The following FTSJ3 variants were observed in gnomAD, a reference collection of about 807,000 sequenced individuals.
The protein encoded by FTSJ3 is FtsJ RNA 2'-O-methyltransferase 3, also known as pre-rRNA 2'-O-ribose RNA methyltransferase FTSJ3.
In FTSJ3, 46 loss-of-function variants were observed where a neutral mutation model predicts 111.5. The ratio of observed to expected loss-of-function variants is 0.41; its 90% CI spans 0.33 to 0.53. FTSJ3 has a LOEUF of 0.53. FTSJ3 is among the 20% of genes least tolerant of loss of function. FTSJ3 has a pLI of 0.19. For synonymous variants in FTSJ3, 408 were observed against 383.0 expected (o/e 1.07, Z -0.76); for missense variants, 1,075 against 1,063.8 (o/e 1.01, Z -0.15).
rs765798714 is a variant in FTSJ3 at position 63,823,809 on chromosome 17, C to T, written c.1290+8G>A. On this transcript the variant is annotated splice_region_variant and intron_variant, in intron 13 of 20. Coordinates refer to ENST00000427159, the MANE Select transcript of FTSJ3 (RefSeq NM_017647.4). ...TCTCCTAAACCTGCACCCCCAATGC[C>T]GCCTCACCTGGTGACCCCGGATGGT... is the stretch of plus-strand genomic sequence containing the variant. 21 of 1,613,294 alleles carry T rather than the reference C, an allele frequency of 1.3e-5. No individual in the cohort carries two copies. The Middle Eastern group carries it at 4.9e-4, about 38-fold the overall frequency.
Position 63,820,120 on chromosome 17 carries a change from T to G in FTSJ3, c.2310A>C (p.Thr770=). The change falls in exon 20 of 21, where the codon ACA becomes ACC. Residue 770 remains threonine, a synonymous_variant. Transcript: ENST00000427159. ...TRKKAEAVVN[T]VDISEREKVA... ...CTTTCTCTCGTTCTGAGATGTCCAC[T>G]GTGTTCACCACGGCTTCTGCCTTCT... 1.2e-6 allele frequency: 2 copies of G among 1,614,188 alleles called. No individual in the cohort carries two copies. The highest frequency in any genetic ancestry group is 8.5e-7 in the Non-Finnish European group (1 of 1,180,040).
At position 63,827,618 on chromosome 17, in the gene FTSJ3, A is replaced by G; in HGVS notation, c.-593T>C. 1 of 1,547,288 alleles carries G rather than the reference A, an allele frequency of 6.5e-7. No homozygotes were observed. Among genetic ancestry groups the G allele is most frequent in the Non-Finnish European group, 8.7e-7 (1 of 1,145,358 alleles). Reference sequence around the variant, plus strand: ...GGGGCAGGAGCGTCGGGTGGGTCGGAGGTGCCTGGACCAGTCCATGCTGGA... The same window carrying G: ...GGGGCAGGAGCGTCGGGTGGGTCGGGGGTGCCTGGACCAGTCCATGCTGGA... On this transcript the variant is annotated 5_prime_UTR_variant, in exon 1 of 21. Coordinates refer to ENST00000427159, the MANE Select transcript of FTSJ3 (RefSeq NM_017647.4).
Position 63,819,697 on chromosome 17 carries a change from T to C in FTSJ3, c.*105A>G. ...TCCACCTCACTGTTCTTCAGACAGC[T>C]GTGATGTGAGCAGGGGCTAGGCCGG... On this transcript the variant is annotated 3_prime_UTR_variant, in exon 21 of 21. Transcript: ENST00000427159. The C allele has an allele frequency of 1.9e-6, 2 of 1,053,232 alleles. No homozygotes were observed. Among genetic ancestry groups the C allele is most frequent in the African/African-American group, 1.6e-5 (1 of 63,078 alleles). The allele number at this position is 1,053,232 out of a possible 1,614,324, so 65.2% of individuals were successfully genotyped here.
At chr17:63,821,892 A>C in intron 14 of FTSJ3, 49 bp from the exon 15 acceptor site, 1 of 1,613,888 alleles carries the variant, frequency 6.2e-7, no homozygotes, top group Non-Finnish European at 8.5e-7. Context: ...GATTGCCTGG[A>C]GCCCTTGCTG....
chr17:63,826,455 C>A, intron 3 of FTSJ3, 112 bp downstream of exon 3: 1 of 1,175,444 alleles, frequency 8.5e-7, no homozygotes, highest in Non-Finnish European at 1.3e-6. Flanking sequence ...AAGGAAACGG[C>A]CCCCAAGAGG....
rs759682797 is a variant in FTSJ3 at position 63,824,081 on chromosome 17, C to T, written c.1154+3G>A. 6.2e-7 allele frequency: 1 copy of T among 1,614,192 alleles called. No individual in the cohort carries two copies. The highest frequency in any genetic ancestry group is 8.5e-7 in the Non-Finnish European group (1 of 1,180,042). ...CTCCAAGCTCTACCCCAGCTCCTTT[C>T]ACCTCTTCAATTCCGCCACCTCCTG... On this transcript the variant is annotated splice_donor_region_variant and intron_variant, in intron 12 of 20. Transcript: ENST00000427159.
Position 63,821,640 on chromosome 17 carries a change from T to C in FTSJ3, c.1600A>G (p.Ser534Gly), listed in dbSNP as rs772590864. The C allele has an allele frequency of 2.3e-5, 37 of 1,613,350 alleles. 1 individual carries two copies. In the South Asian group the frequency reaches 4.1e-4, roughly 18 times the overall value. The change falls in exon 16 of 21, where the codon AGC (serine) becomes GGC (glycine). Residue 534 changes from serine to glycine, a missense_variant. By Grantham distance (56) the Ser-to-Gly change is moderately conservative. Transcript: ENST00000427159. ...GCATCGTCCTCGATCCCAGCAAAGC[T>C]GCCCTGTGATAGGAGAACATCAGCT... Reference protein sequence around the residue: ...EQANLWFSKGSFAGIEDDADE... With the variant: ...EQANLWFSKGGFAGIEDDADE...
In FTSJ3 at chr17:63,821,313, C is replaced by T. The variant is rs377309025; in HGVS notation, c.1886+41G>A. ...CAATTTAGAGAAATGGTTCAAGCCA[C>T]CGCTTCCTTTCCATCCCTTCTCTCA... On this transcript the variant is annotated intron_variant, in intron 16 of 20. Coordinates refer to ENST00000427159, the MANE Select transcript of FTSJ3 (RefSeq NM_017647.4). 75 of 1,574,170 alleles carry T rather than the reference C, an allele frequency of 4.8e-5. No homozygotes were observed. In the African/African-American group the frequency reaches 9.1e-4, roughly 19 times the overall value.
At position 63,820,336 on chromosome 17, in the gene FTSJ3, C is replaced by G; in HGVS notation, c.2175G>C (p.Glu725Asp). 2 of 1,614,006 alleles carry G rather than the reference C, an allele frequency of 1.2e-6. No individual in the cohort carries two copies. Among genetic ancestry groups the G allele is most frequent in the Non-Finnish European group, 1.7e-6 (2 of 1,180,020 alleles). The change falls in exon 19 of 21, where the codon GAG becomes GAC. Residue 725 changes from glutamate (E) to aspartate (D), a missense_variant. Glu to Asp is a conservative substitution (Grantham distance 45). This residue lies in a region of FTSJ3 where 867 missense variants were observed against 796.9 expected (regional missense o/e 1.09). Transcript: ENST00000427159. Reference sequence around the variant, plus strand: ...TTTCCCGCCAGCGTTTCCGGTAATGCTCCACCTCCTTCTTACCAACAGGCA... The same window carrying G: ...TTTCCCGCCAGCGTTTCCGGTAATGGTCCACCTCCTTCTTACCAACAGGCA... ...RQLPVGKKEV[E>D]HYRKRWREIN...
intron 18 of FTSJ3, 46 bp downstream of exon 18, chr17:63,820,793 C>T: frequency 7.1e-7 from 1 of 1,405,886 alleles, no homozygotes; most frequent in Non-Finnish European, 1.0e-6. Flanking sequence ...TACCCATTTA[C>T]CCACCAGACC....
chr17:63,821,919 G>A (rs2040055625), intron 14 of FTSJ3, 65 bp downstream of exon 14: 1 of 1,612,958 alleles, frequency 6.2e-7, no homozygotes, highest in Non-Finnish European at 8.5e-7. Flanking sequence ...TCAGGCTCTG[G>A]TAGTACCCAC....
In FTSJ3 at chr17:63,825,259, A is replaced by G. The variant is rs754503836; in HGVS notation, c.578T>C (p.Ile193Thr). 4 of 1,614,050 alleles carry G rather than the reference A, an allele frequency of 2.5e-6. No homozygotes were observed. Among genetic ancestry groups the G allele is most frequent in the Non-Finnish European group, 3.4e-6 (4 of 1,180,032 alleles). Residue 193 changes from isoleucine (I) to threonine (T), a missense_variant, in exon 7 of 21, where the codon ATC becomes ACC. Around this residue, in one of 2 missense-constraint regions of FTSJ3, gnomAD observed 208 missense variants for 266.9 expected, o/e 0.78. Coordinates refer to ENST00000427159, the MANE Select transcript of FTSJ3 (RefSeq NM_017647.4). The stretch of plus-strand genomic sequence containing the variant: ...ATGCCCACCTTGGCAGACTACAAAG[A>G]TCTCTGCAGATTCATGGCGAGAGGC... ...PQASRHESAE[I>T]FVVCQGFLAP...
rs1436028353 is a variant in FTSJ3 at position 63,826,837 on chromosome 17, C to T, written c.66G>A (p.Thr22=). 1.9e-5 allele frequency: 30 copies of T among 1,613,898 alleles called. No homozygotes were observed. Among genetic ancestry groups the T allele is most frequent in the African/African-American group, 2.7e-5 (2 of 74,930 alleles). ...CAGACTGAGCGAATCCGGACTCACC[C>T]GTCTCCTTCGCCAAGTGATAAAACT... ...RDKFYHLAKE[T]GYRSRSAFKL... is the part of the protein sequence containing the mutation. The change falls in exon 2 of 21, where the codon ACG becomes ACA. Residue 22 remains threonine (T), a splice_region_variant and synonymous_variant. Transcript: ENST00000427159.
rs2040030882 is a variant in FTSJ3 at position 63,819,924 on chromosome 17, C to G, written c.2422G>C (p.Gly808Arg). The part of the protein sequence containing the change: ...VTYVVAKKGV[G>R]RKVRRPAGVR... Reference sequence around the variant, plus strand: ...CCAGCTGGCCGGCGCACTTTGCGGCCCACACCTTTTTTGGCTACAACGTAG... The same window carrying G: ...CCAGCTGGCCGGCGCACTTTGCGGCGCACACCTTTTTTGGCTACAACGTAG... The change falls in exon 21 of 21, where the codon GGC (glycine) becomes CGC (arginine). Residue 808 changes from glycine to arginine, a missense_variant. Physicochemically the swap from Gly to Arg is moderately radical, Grantham distance 125. This residue lies in a region of FTSJ3 where 867 missense variants were observed against 796.9 expected (regional missense o/e 1.09). Coordinates refer to ENST00000427159, the MANE Select transcript of FTSJ3 (RefSeq NM_017647.4). 6.2e-7 allele frequency: 1 copy of G among 1,614,090 alleles called. No homozygotes were observed. The highest frequency in any genetic ancestry group is 1.7e-5 in the Admixed American group (1 of 60,006).
At chr17:63,824,990 A>C (rs2040084701) in intron 8 of FTSJ3, 58 bp downstream of exon 8, 1 of 1,585,436 alleles carries the variant, frequency 6.3e-7, no homozygotes, top group Non-Finnish European at 8.6e-7. Flanking sequence ...AGGACCCACC[A>C]GGCCCAACCT....
In FTSJ3 at chr17:63,820,897, C is replaced by G. The variant is rs1598348533; in HGVS notation, c.2014G>C (p.Ala672Pro). 6.2e-7 allele frequency: 1 copy of G among 1,614,186 alleles called. No individual in the cohort carries two copies. Among genetic ancestry groups the G allele is most frequent in the Admixed American group, 1.7e-5 (1 of 60,020 alleles). Reference protein sequence around the residue: ...ILDPEGLALGAVIASSKKAKR... With the variant: ...ILDPEGLALGPVIASSKKAKR... ...GCCTTTTTGGAAGAGGCAATAACAG[C>G]ACCTAGAGCAAGGCCTTCGGGGTCC... Residue 672 changes from alanine to proline, a missense_variant, in exon 18 of 21, where the codon GCT becomes CCT. Coordinates refer to ENST00000427159, the MANE Select transcript of FTSJ3 (RefSeq NM_017647.4).
chr17:63,825,702 A>C, intron 5 of FTSJ3, 67 bp from the exon 6 acceptor site: 1 of 1,433,548 alleles, frequency 7.0e-7, no homozygotes, highest in Non-Finnish European at 9.8e-7. Context: ...CCATTTGTCC[A>C]TCTAGTCATT....
In FTSJ3 at chr17:63,827,608, G is replaced by C; in HGVS notation, c.-583C>G. The C allele has an allele frequency of 6.5e-7, 1 of 1,549,462 alleles. No individual in the cohort carries two copies. Among genetic ancestry groups the C allele is most frequent in the Admixed American group, 2.0e-5 (1 of 50,912 alleles). On this transcript the variant is annotated 5_prime_UTR_variant, in exon 1 of 21. Coordinates refer to ENST00000427159, the MANE Select transcript of FTSJ3 (RefSeq NM_017647.4). ...AGAGCGGGCCGGGGCAGGAGCGTCG[G>C]GTGGGTCGGAGGTGCCTGGACCAGT...
chr17:63,824,767 G>A lies in FTSJ3; in HGVS notation c.817-30C>T, dbSNP rs115843688. 1.2e-3 allele frequency: 1,871 copies of A among 1,606,326 alleles called. 27 individuals carry two copies. In the African/African-American group the frequency reaches 0.023, roughly 19 times the overall value. ...TTGGGAGGATGGAAAGGTGTCAGGGGAGATCCTCAGGCCATGTTTCTGGGG... is the reference window on the plus strand; with the variant it reads ...TTGGGAGGATGGAAAGGTGTCAGGGAAGATCCTCAGGCCATGTTTCTGGGG... On this transcript the variant is annotated intron_variant, in intron 9 of 20. Coordinates refer to ENST00000427159, the MANE Select transcript of FTSJ3 (RefSeq NM_017647.4).
Sources: allele counts gnomAD v4.1 joint callset, GRCh38; gene constraint gnomAD v4.1.1; regional missense constraint gnomAD v4.1.1; transcripts MANE v1.5; gene names NCBI Gene and HGNC (gene_info 2026-07-23, HGNC 2026-07-21).